Variants in ANTXR1 observed in about 807,000 individuals in gnomAD.
The protein encoded by ANTXR1 is ANTXR cell adhesion molecule 1, also known as anthrax toxin receptor 1.
A neutral mutation model predicts 78.1 loss-of-function variants in ANTXR1; 19 were observed. The ratio of observed to expected loss-of-function variants is 0.24; its 90% confidence interval spans 0.17 to 0.36. The LOEUF is 0.36. ANTXR1 is among the 10% of genes least tolerant of loss of function. The probability of loss-of-function intolerance (pLI) is 1.00; values close to 1 mark genes in which losing one functional copy is unlikely to be tolerated. For missense variants in ANTXR1, 518 were observed against 718.6 expected (o/e 0.72, Z 3.19); for synonymous variants, 273 against 260.5 (o/e 1.05, Z -0.46).
intron 13 of ANTXR1, among the ~76,000 whole-genome samples, chr2:69,163,216 G>C (rs1410260023): frequency 6.6e-6 from 1 of 152,020 alleles, no homozygotes; most frequent in South Asian, 2.1e-4. Context: ...CACAACACAA[G>C]GGGAGATGGC....
chr2:69,240,599 A>G (rs570484878), intron 17 of ANTXR1, among the ~76,000 whole-genome samples: 3 of 152,314 alleles, frequency 2.0e-5, no homozygotes, highest in East Asian at 3.9e-4. Flanking sequence ...TCGTTTGACT[A>G]TGTCAAGAGC....
intron 8 of ANTXR1, among the ~76,000 whole-genome samples, chr2:69,080,191 A>G (rs542873334): frequency 6.6e-6 from 1 of 152,334 alleles, no homozygotes; most frequent in South Asian, 2.1e-4. Flanking sequence ...GCTTGGACAG[A>G]GAAACAGGGA....
At chr2:69,051,277 CAA>C (rs938877141) in intron 3 of ANTXR1, among the ~76,000 whole-genome samples, 6 of 136,166 alleles carry the variant, frequency 4.4e-5, no homozygotes, top group Non-Finnish European at 6.4e-5. Context: ...GACTCTGTCT[CAA>C]AAAAAAAAAA....
intron 3 of ANTXR1, among the ~76,000 whole-genome samples, chr2:69,051,829 T>C (rs1669942538): frequency 6.6e-6 from 1 of 152,132 alleles, no homozygotes; most frequent in Admixed American, 6.6e-5. Flanking sequence ...AGTGTGCATC[T>C]AATCAATATA....
At chr2:69,120,665 G>GA (rs1278072097) in intron 10 of ANTXR1, among the ~76,000 whole-genome samples, 4 of 150,902 alleles carry the variant, frequency 2.7e-5, no homozygotes, top group Non-Finnish European at 3.0e-5. Context: ...GAGACTCTCA[G>GA]AAAAAAAAGA....
intron 8 of ANTXR1, among the ~76,000 whole-genome samples, chr2:69,080,408 C>G (rs567471301): frequency 3.2e-4 from 48 of 152,284 alleles, no homozygotes; most frequent in African/African-American, 1.1e-3. Flanking sequence ...TAAAATAGGA[C>G]TGGGCTTAAT....
chr2:69,171,523 T>A (rs927526694), intron 14 of ANTXR1, among the ~76,000 whole-genome samples: 1 of 152,242 alleles, frequency 6.6e-6, no homozygotes, highest in African/African-American at 2.4e-5. Flanking sequence ...AGGAGCTCCC[T>A]TATTAGGACT....
intron 12 of ANTXR1, among the ~76,000 whole-genome samples, chr2:69,140,826 AAG>A (rs1328001346): frequency 1.3e-5 from 2 of 152,172 alleles, no homozygotes; most frequent in African/African-American, 4.8e-5. Context: ...GCTTTTTAGA[AAG>A]AGTTCCACAA....
At chr2:69,078,589 C>T (rs1248264429) in intron 8 of ANTXR1, among the ~76,000 whole-genome samples, 2 of 152,086 alleles carry the variant, frequency 1.3e-5, no homozygotes, top group Non-Finnish European at 2.9e-5. Context: ...GCTCAGAGCC[C>T]GGCAACCCAG....
chr2:69,227,091 G>A (rs1306525954), intron 17 of ANTXR1, among the ~76,000 whole-genome samples: 2 of 152,170 alleles, frequency 1.3e-5, no homozygotes. Flanking sequence ...CTGGGGCCCA[G>A]TGGAAGCCTG....
At chr2:69,188,954 A>G (rs1455701909) in intron 16 of ANTXR1, among the ~76,000 whole-genome samples, 1 of 152,246 alleles carries the variant, frequency 6.6e-6, no homozygotes, top group East Asian at 1.9e-4. Flanking sequence ...TCAAGGTTCC[A>G]AGAGCCTTTG....
At chr2:69,118,630 G>A (rs1473161441) in intron 10 of ANTXR1, among the ~76,000 whole-genome samples, 2 of 152,120 alleles carry the variant, frequency 1.3e-5, no homozygotes, top group Admixed American at 6.5e-5. Context: ...GACCAGCAGG[G>A]GCCTCGGCTG....
intron 12 of ANTXR1, among the ~76,000 whole-genome samples, chr2:69,140,524 T>C (rs1226163395): frequency 6.6e-6 from 1 of 152,192 alleles, no homozygotes; most frequent in East Asian, 1.9e-4. Flanking sequence ...CCCCAAAAGC[T>C]GTAGGAACCA....
At chr2:69,100,420 G>A (rs943490517) in intron 9 of ANTXR1, among the ~76,000 whole-genome samples, 15 of 152,278 alleles carry the variant, frequency 9.9e-5, no homozygotes, top group African/African-American at 3.6e-4. Flanking sequence ...CCTGGCCTAG[G>A]GGGTTAAATT....
intron 12 of ANTXR1, chr2:69,135,025 G>C (rs1277932518): frequency 2.4e-6 from 1 of 420,820 alleles, no homozygotes. Flanking sequence ...ACAATCATTA[G>C]AGACGGTAAA....
chr2:69,230,620 G>T (rs554564869), intron 17 of ANTXR1, among the ~76,000 whole-genome samples: 150 of 152,188 alleles, frequency 9.9e-4, no homozygotes, highest in African/African-American at 3.6e-3. Context: ...TTCAGAATCG[G>T]GAGAGACTTT....
intron 2 of ANTXR1, among the ~76,000 whole-genome samples, chr2:69,043,324 C>A (rs970209478): frequency 6.6e-6 from 1 of 152,112 alleles, no homozygotes; most frequent in Non-Finnish European, 1.5e-5. Context: ...CTATAGGTAC[C>A]AGTCTCATAC....
At position 69,148,326 on chromosome 2, in the gene ANTXR1, G is replaced by A. The variant is rs552891991; in HGVS notation, c.952-3843G>A. ...GGGACTTGTGCTTGCCTTTTTGTGC[G>A]GGAATGCTGACACCTCCTTGGCCCT... On this transcript the variant is annotated intron_variant, in intron 12 of 17. Coordinates refer to ENST00000303714, the MANE Select transcript of ANTXR1 (RefSeq NM_032208.3). Among the ~76,000 whole-genome samples the A allele has an allele frequency of 3.9e-5, 6 of 152,274 alleles. No individual in the cohort carries two copies. In the East Asian group the frequency reaches 7.7e-4, roughly 20 times the overall value.
intron 13 of ANTXR1, among the ~76,000 whole-genome samples, chr2:69,160,030 A>T (rs1392212261): frequency 6.6e-6 from 1 of 152,228 alleles, no homozygotes; most frequent in African/African-American, 2.4e-5. Flanking sequence ...TTTAATAAAA[A>T]CACAACTGGG....
Sources: gnomAD v4.1 joint callset for allele counts (sites outside exome capture counted in the v4.1 genomes callset) on GRCh38, gnomAD v4.1.1 for gene constraint, MANE v1.5 for transcripts, NCBI Gene and HGNC (gene_info 2026-07-23, HGNC 2026-07-21) for gene names.